ANO2: variants seen among roughly 807,000 people sequenced by gnomAD.
The protein encoded by ANO2 is anoctamin 2, also known as anoctamin-2.
ANO2 carries 101 observed loss-of-function variants against 124.2 expected under a neutral mutation model. The observed-to-expected ratio is 0.81, with a 90% confidence interval of 0.69 to 0.96. The LOEUF is 0.96. Ranked by LOEUF, ANO2 falls within the 40% of genes least tolerant of loss-of-function variation. ANO2 has a pLI of 0.00. For synonymous variants in ANO2, 486 were observed against 482.5 expected, an observed-to-expected ratio of 1.01 and a Z score of -0.09; for missense variants, 1,293 against 1,274.5, an observed-to-expected ratio of 1.01 and a Z score of -0.22.
chr12:5,640,678 C>T lies in ANO2; in HGVS notation c.1621-5331G>A, dbSNP rs551238033. Among the ~76,000 whole-genome samples the T allele has an allele frequency of 2.2e-4, 34 of 152,248 alleles. 1 individual carries two copies. The East Asian group carries it at 6.0e-3, about 27-fold the overall frequency. On this transcript the variant is annotated intron_variant, in intron 15 of 24. Coordinates refer to ENST00000682330, the MANE Select transcript of ANO2 (RefSeq NM_001364791.2). ...TGCAAATCAAAACCACAATGAGATACCATCCCACACCAGTTAGAATGGCAA... is the reference window on the plus strand; with the variant it reads ...TGCAAATCAAAACCACAATGAGATATCATCCCACACCAGTTAGAATGGCAA...
chr12:5,641,641 T>C (rs1244434802), intron 15 of ANO2, among the ~76,000 whole-genome samples: 1 of 152,224 alleles, frequency 6.6e-6, no homozygotes, highest in African/African-American at 2.4e-5. Flanking sequence ...TTCCCACCAC[T>C]CTGCTCCCAG....
chr12:5,777,616 C>T (rs1254830062), intron 10 of ANO2, among the ~76,000 whole-genome samples: 4 of 152,124 alleles, frequency 2.6e-5, no homozygotes, highest in African/African-American at 9.7e-5. Context: ...TTCCACCTCC[C>T]CACCCCCATC....
chr12:5,850,627 C>T (rs531274778), intron 4 of ANO2, among the ~76,000 whole-genome samples: 1 of 152,140 alleles, frequency 6.6e-6, no homozygotes, highest in East Asian at 1.9e-4. Flanking sequence ...TGGTGCTGGG[C>T]TAATGAGTTA....
chr12:5,679,879 A>C (rs564908711), intron 14 of ANO2, among the ~76,000 whole-genome samples: 2 of 152,220 alleles, frequency 1.3e-5, no homozygotes, highest in African/African-American at 4.8e-5. Context: ...AAAGACATGG[A>C]ATTAACCTAA....
chr12:5,782,721 T>C (rs892451493), intron 10 of ANO2, among the ~76,000 whole-genome samples: 1 of 152,216 alleles, frequency 6.6e-6, no homozygotes, highest in Non-Finnish European at 1.5e-5. Context: ...GCCATTGCTT[T>C]AACCCAAAGG....
Position 5,563,397 on chromosome 12 carries a change from C to T in ANO2, c.2899G>A (p.Gly967Arg), listed in dbSNP as rs1456735345. Reference sequence around the variant, plus strand: ...GCTGCCCGGCTCCTGCTTCGATCCCCACCTCCTGGGCTCCTCAGAGCCGGC... The same window carrying T: ...GCTGCCCGGCTCCTGCTTCGATCCCTACCTCCTGGGCTCCTCAGAGCCGGC... ...DEPALRSPGG[G>R]DRSRSRAASS... The change falls in exon 25 of 25, where the codon GGG (glycine) becomes AGG (arginine). Residue 967 changes from glycine to arginine, a missense_variant. Transcript: ENST00000682330. The T allele has an allele frequency of 1.2e-6, 2 of 1,609,696 alleles. No individual in the cohort carries two copies. Among genetic ancestry groups the T allele is most frequent in the Non-Finnish European group, 1.7e-6 (2 of 1,178,240 alleles).
intron 3 of ANO2, among the ~76,000 whole-genome samples, chr12:5,875,433 T>G (rs888030583): frequency 6.6e-6 from 1 of 152,240 alleles, no homozygotes; most frequent in African/African-American, 2.4e-5. Flanking sequence ...GCACATGAAC[T>G]GATCAAAAGT....
chr12:5,652,721 G>C (rs1462472219), intron 14 of ANO2, among the ~76,000 whole-genome samples: 1 of 151,956 alleles, frequency 6.6e-6, no homozygotes, highest in Admixed American at 6.6e-5. Context: ...ATTTGGGGGA[G>C]GAAGACCACA....
At chr12:5,901,789 C>T (rs759429605) in intron 3 of ANO2, among the ~76,000 whole-genome samples, 1 of 152,186 alleles carries the variant, frequency 6.6e-6, no homozygotes, top group Non-Finnish European at 1.5e-5. Flanking sequence ...TACACAGAAT[C>T]CCTCCTCCTC....
intron 14 of ANO2, among the ~76,000 whole-genome samples, chr12:5,651,882 T>C (rs1303641237): frequency 1.3e-5 from 2 of 152,264 alleles, no homozygotes; most frequent in South Asian, 4.1e-4. Context: ...CTTAGCATAG[T>C]GCATTTGAAA....
chr12:5,786,394 A>G (rs767391135), intron 10 of ANO2, among the ~76,000 whole-genome samples: 1 of 152,006 alleles, frequency 6.6e-6, no homozygotes, highest in Non-Finnish European at 1.5e-5. Context: ...TCTGTATTAA[A>G]CTTCAGTGGG....
At chr12:5,928,276 G>A (rs1464081495) in intron 1 of ANO2, among the ~76,000 whole-genome samples, 1 of 152,140 alleles carries the variant, frequency 6.6e-6, no homozygotes, top group Non-Finnish European at 1.5e-5. Context: ...GCCCTGAAAT[G>A]AGGGGCCACC....
Position 5,733,930 on chromosome 12 carries a change from T to A in ANO2, c.1435-1300A>T, listed in dbSNP as rs116328161. ...TGTTTTGCATGTGAGAGTCTTCTTATCCTAACATAAAGATCAGCTACCTGC... is the reference window on the plus strand; with the variant it reads ...TGTTTTGCATGTGAGAGTCTTCTTAACCTAACATAAAGATCAGCTACCTGC... On this transcript the variant is annotated intron_variant, in intron 13 of 24. Transcript: ENST00000682330. Among the ~76,000 whole-genome samples the A allele has an allele frequency of 1.7e-3, 253 of 152,342 alleles. 1 individual carries two copies. The highest frequency in any genetic ancestry group is 5.9e-3 in the African/African-American group (247 of 41,580).
intron 3 of ANO2, among the ~76,000 whole-genome samples, chr12:5,888,226 G>A (rs766170894): frequency 6.6e-6 from 1 of 151,818 alleles, no homozygotes; most frequent in Non-Finnish European, 1.5e-5. Context: ...CGCGTCTGGA[G>A]TTGTTCTTTC....
At chr12:5,893,821 C>A (rs1939580961) in intron 3 of ANO2, among the ~76,000 whole-genome samples, 1 of 152,160 alleles carries the variant, frequency 6.6e-6, no homozygotes, top group Non-Finnish European at 1.5e-5. Context: ...GACATGAACT[C>A]ATCCTTTTTT....
intron 14 of ANO2, among the ~76,000 whole-genome samples, chr12:5,655,299 C>G (rs950137230): frequency 2.6e-5 from 4 of 152,190 alleles, no homozygotes; most frequent in Admixed American, 1.3e-4. Flanking sequence ...CTTTAAATCT[C>G]AGCCTCTCCT....
At chr12:5,651,545 A>C (rs1946914675) in intron 14 of ANO2, among the ~76,000 whole-genome samples, 1 of 152,096 alleles carries the variant, frequency 6.6e-6, no homozygotes, top group Non-Finnish European at 1.5e-5. Flanking sequence ...CTCAGCCTCC[A>C]GATTAGCTGA....
chr12:5,671,871 CTTTTCCT>C (rs1948023370), intron 14 of ANO2, among the ~76,000 whole-genome samples: 1 of 152,190 alleles, frequency 6.6e-6, no homozygotes, highest in African/African-American at 2.4e-5. Context: ...CATGTGTTAA[CTTTTCCT>C]TGAGCTCTTG....
chr12:5,600,459 CT>C (rs1943886077), intron 19 of ANO2, among the ~76,000 whole-genome samples: 3 of 152,144 alleles, frequency 2.0e-5, no homozygotes, highest in Admixed American at 2.0e-4. Flanking sequence ...ACATTCAGGA[CT>C]TTTTTGGTGT....
Sources: gnomAD v4.1 joint callset for allele counts (sites outside exome capture counted in the v4.1 genomes callset) on GRCh38, gnomAD v4.1.1 for gene constraint, MANE v1.5 for transcripts, NCBI Gene and HGNC (gene_info 2026-07-23, HGNC 2026-07-21) for gene names.